The following ARHGAP15 variants were observed in gnomAD, a reference collection of about 807,000 sequenced individuals.
ARHGAP15 encodes Rho GTPase activating protein 15.
ARHGAP15 carries 51 observed loss-of-function variants against 63.7 expected under a neutral mutation model. The ratio of observed to expected loss-of-function variants is 0.80; its 90% CI spans 0.64 to 1.01. ARHGAP15 has a LOEUF of 1.01. ARHGAP15 is among the 50% of genes least tolerant of loss of function. ARHGAP15 has a pLI of 0.00. For synonymous variants in ARHGAP15, 191 were observed against 193.8 expected (o/e 0.99, Z 0.12); for missense variants, 560 against 564.6 (o/e 0.99, Z 0.08).
chr2:143,581,606 T>C (rs892746748), intron 11 of ARHGAP15, among the ~76,000 whole-genome samples: 2 of 152,120 alleles, frequency 1.3e-5, no homozygotes, highest in Non-Finnish European at 2.9e-5. Context: ...AATTCCCTAA[T>C]AGCAAGTAGG....
chr2:143,642,342 G>C (rs1318270762), intron 12 of ARHGAP15, among the ~76,000 whole-genome samples: 2 of 152,044 alleles, frequency 1.3e-5, no homozygotes, highest in African/African-American at 4.8e-5. Flanking sequence ...TCTCAAACCT[G>C]GCTTTTTGAT....
chr2:143,131,697 A>G (rs1212787462), intron 1 of ARHGAP15, among the ~76,000 whole-genome samples: 1 of 152,060 alleles, frequency 6.6e-6, no homozygotes, highest in Admixed American at 6.5e-5. Flanking sequence ...GGAGAAGGCT[A>G]CAGAGCTTTG....
At chr2:143,423,920 G>A (rs1007125268) in intron 6 of ARHGAP15, among the ~76,000 whole-genome samples, 2 of 152,034 alleles carry the variant, frequency 1.3e-5, no homozygotes, top group East Asian at 3.9e-4. Flanking sequence ...AATAAGTAGA[G>A]GAATTGAAAA....
chr2:143,157,798 T>G (rs1690140059), intron 2 of ARHGAP15, among the ~76,000 whole-genome samples: 1 of 151,872 alleles, frequency 6.6e-6, no homozygotes, highest in African/African-American at 2.4e-5. Context: ...AACAAGCCTG[T>G]TAAAGTTATC....
At chr2:143,189,557 G>T (rs900791294) in intron 2 of ARHGAP15, among the ~76,000 whole-genome samples, 1 of 149,748 alleles carries the variant, frequency 6.7e-6, no homozygotes, top group African/African-American at 2.5e-5. Context: ...CCCCTCTCAG[G>T]TTCAAGCGAC....
At chr2:143,229,907 G>A (rs1574123042) in intron 5 of ARHGAP15, among the ~76,000 whole-genome samples, 1 of 152,248 alleles carries the variant, frequency 6.6e-6, no homozygotes, top group South Asian at 2.1e-4. Flanking sequence ...AGTGCTGTCC[G>A]ATCTGTAAAC....
chr2:143,742,183 A>AT lies in ARHGAP15; in HGVS notation c.1245-25805dup, dbSNP rs773536726. Among the ~76,000 whole-genome samples, 19 of 152,234 alleles carry AT rather than the reference A, an allele frequency of 1.2e-4. 1 individual carries two copies. Among genetic ancestry groups the AT allele is most frequent in the Admixed American group, 8.5e-4 (13 of 15,288 alleles). ...ATAAAAAAAGGAAATCACACTAATT[A>AT]TAGCAGATCTGATCACAAGCTAGGA... On this transcript the variant is annotated intron_variant, in intron 13 of 13. Transcript: ENST00000295095.
chr2:143,202,694 G>C (rs1692169115), intron 3 of ARHGAP15, among the ~76,000 whole-genome samples: 2 of 152,054 alleles, frequency 1.3e-5, no homozygotes, highest in Admixed American at 1.3e-4. Flanking sequence ...CACACAAGGG[G>C]AGAGGATTAC....
chr2:143,739,239 T>C (rs1296619592), intron 13 of ARHGAP15, among the ~76,000 whole-genome samples: 1 of 152,028 alleles, frequency 6.6e-6, no homozygotes, highest in Non-Finnish European at 1.5e-5. Context: ...TAGAAGAAGA[T>C]GATAGCAAAA....
intron 6 of ARHGAP15, among the ~76,000 whole-genome samples, chr2:143,261,318 G>A (rs1309683309): frequency 1.4e-5 from 2 of 147,654 alleles, no homozygotes; most frequent in Non-Finnish European, 3.0e-5. Context: ...TATCTTGGAG[G>A]AATGACCTTT....
At chr2:143,684,604 C>T (rs1683244676) in intron 12 of ARHGAP15, among the ~76,000 whole-genome samples, 1 of 152,138 alleles carries the variant, frequency 6.6e-6, no homozygotes, top group African/African-American at 2.4e-5. Context: ...TAATCTTTCT[C>T]TCTAGAATGG....
chr2:143,598,357 A>G (rs918230679), intron 11 of ARHGAP15, among the ~76,000 whole-genome samples: 2 of 152,120 alleles, frequency 1.3e-5, no homozygotes, highest in African/African-American at 4.8e-5. Context: ...AAAGTTAAAA[A>G]CTTCAAATGC....
At chr2:143,345,096 T>A (rs527794422) in intron 6 of ARHGAP15, among the ~76,000 whole-genome samples, 136 of 152,266 alleles carry the variant, frequency 8.9e-4, no homozygotes, top group African/African-American at 3.2e-3. Flanking sequence ...TTTAACTTTA[T>A]ACTGTTAGCA....
intron 6 of ARHGAP15, among the ~76,000 whole-genome samples, chr2:143,323,168 G>A (rs1007255993): frequency 2.0e-5 from 3 of 152,204 alleles, no homozygotes; most frequent in Non-Finnish European, 4.4e-5. Flanking sequence ...TGTTATGTGT[G>A]AGAGTGTTTC....
rs542860407 is a variant in ARHGAP15, at chr2:143,445,761, G to T, written c.703+8719G>T. Among the ~76,000 whole-genome samples, 10 of 152,166 alleles carry T rather than the reference G, an allele frequency of 6.6e-5. No homozygotes were observed. In the South Asian group the frequency reaches 1.2e-3, roughly 19 times the overall value. ...TCCATTCTAACACCCTATTTTATTT[G>T]AAAGAGTTACTGTGATTCATAGTTA... On this transcript the variant is annotated intron_variant, in intron 8 of 13. Coordinates refer to ENST00000295095, the MANE Select transcript of ARHGAP15 (RefSeq NM_018460.4).
chr2:143,717,108 T>C (rs1684842431), intron 13 of ARHGAP15, among the ~76,000 whole-genome samples: 1 of 152,266 alleles, frequency 6.6e-6, no homozygotes, highest in South Asian at 2.1e-4. Context: ...TAGAGCACGT[T>C]TTTTTAGAAG....
chr2:143,666,223 A>G (rs1345605265), intron 12 of ARHGAP15, among the ~76,000 whole-genome samples: 1 of 148,518 alleles, frequency 6.7e-6, no homozygotes, highest in Non-Finnish European at 1.5e-5. Context: ...AAACAGAGAT[A>G]TAGATCAATG....
intron 1 of ARHGAP15, among the ~76,000 whole-genome samples, chr2:143,136,689 G>A (rs1046976193): frequency 7.2e-5 from 11 of 152,054 alleles, no homozygotes; most frequent in Non-Finnish European, 1.3e-4. Flanking sequence ...GATATGGAAA[G>A]AGAAAATGTA....
intron 12 of ARHGAP15, 137 bp downstream of exon 12, chr2:143,624,404 T>TTTTTGTG (rs1380792368): frequency 3.0e-5 from 31 of 1,038,608 alleles, no homozygotes; most frequent in Admixed American, 1.7e-4. Context: ...TACGTTTTCG[T>TTTTTGTG]TTTTGTGTTT....
Sources: allele counts gnomAD v4.1 joint callset (sites outside exome capture counted in the v4.1 genomes callset), GRCh38; gene constraint gnomAD v4.1.1; transcripts MANE v1.5; gene names NCBI Gene and HGNC (gene_info 2026-07-23, HGNC 2026-07-21).